The following CACUL1 variants were observed in gnomAD, a reference collection of about 807,000 sequenced individuals.
The protein encoded by CACUL1 is CDK2 associated cullin domain 1.
CACUL1 carries 13 observed loss-of-function variants against 45.2 expected under a neutral mutation model. The ratio of observed to expected loss-of-function variants is 0.29; its 90% CI spans 0.19 to 0.46. The LOEUF (loss-of-function observed/expected upper bound fraction) is 0.46, where lower values mean the gene tolerates loss of function less well. Among genes scored for constraint, CACUL1 ranks in the 20% least tolerant of loss-of-function variants. The pLI is 1.00. For synonymous variants in CACUL1, 197 were observed against 174.2 expected, an observed-to-expected ratio of 1.13 and a Z score of -1.03; for missense variants, 421 against 471.4, an observed-to-expected ratio of 0.89 and a Z score of 0.99.
At chr10:118,692,068 C>G (rs1189683744) in intron 6 of CACUL1, among the ~76,000 whole-genome samples, 1 of 151,764 alleles carries the variant, frequency 6.6e-6, no homozygotes. Flanking sequence ...TAAATATCAG[C>G]CTTATTAGCC....
intron 1 of CACUL1, 62 bp downstream of exon 1, chr10:118,754,334 G>T (rs1181574325): frequency 4.0e-5 from 57 of 1,438,792 alleles, no homozygotes; most frequent in Non-Finnish European, 2.1e-5. Flanking sequence ...CCAAGAGGGG[G>T]TGGATTCGGC....
At chr10:118,691,140 G>T in intron 7 of CACUL1, 125 bp downstream of exon 7, 1 of 779,544 alleles carries the variant, frequency 1.3e-6, no homozygotes, top group Non-Finnish European at 2.1e-6. Flanking sequence ...ATGTCTTCTT[G>T]CAGCAGCAAG....
intron 3 of CACUL1, among the ~76,000 whole-genome samples, chr10:118,712,384 C>T (rs1446355880): frequency 6.6e-6 from 1 of 152,248 alleles, no homozygotes; most frequent in African/African-American, 2.4e-5. Context: ...TCAGGGAGCT[C>T]CCAGGCTGGG....
chr10:118,682,193 C>T lies in CACUL1; in HGVS notation c.*3935G>A, dbSNP rs930160798. On this transcript the variant is annotated 3_prime_UTR_variant, in exon 9 of 9. Transcript: ENST00000369151. ...TAAAAGAGGCACCATAAAAAATCAA[C>T]TCAAAACATCCAAACAATGGCTAGA... 1 of 152,162 alleles carries T rather than the reference C, an allele frequency of 6.6e-6. No homozygotes were observed. Among genetic ancestry groups the T allele is most frequent in the African/African-American group, 2.4e-5 (1 of 41,428 alleles). The allele number at this position is 152,162 out of a possible 1,614,324, so 9.4% of individuals were successfully genotyped here.
intron 7 of CACUL1, among the ~76,000 whole-genome samples, chr10:118,690,963 A>T (rs1205371991): frequency 1.3e-5 from 2 of 152,218 alleles, no homozygotes; most frequent in African/African-American, 4.8e-5. Flanking sequence ...AGGCAGGAGA[A>T]CTGCTTGAAC....
At chr10:118,693,592 C>T (rs1589602732) in intron 6 of CACUL1, 3 of 357,646 alleles carry the variant, frequency 8.4e-6, no homozygotes, top group South Asian at 2.1e-5. Context: ...AATTTTGTTA[C>T]GTATGATAAA....
In CACUL1 at chr10:118,682,858, C is replaced by T. The variant is rs555990766; in HGVS notation, c.*3270G>A. On this transcript the variant is annotated 3_prime_UTR_variant, in exon 9 of 9. Coordinates refer to ENST00000369151, the MANE Select transcript of CACUL1 (RefSeq NM_153810.5). ...CACAAATTAGCTTTCACTCTAGACC[C>T]CAAAGGGAGGGTAATTGCTGCAAAT... is the stretch of plus-strand genomic sequence containing the variant. The T allele has an allele frequency of 6.6e-6, 1 of 152,446 alleles. No individual in the cohort carries two copies. The highest frequency in any genetic ancestry group is 2.1e-4 in the South Asian group (1 of 4,828). 9.4% of individuals were successfully genotyped at this position (152,446 alleles called of 1,614,324 possible).
rs540469966 is a variant in CACUL1, at chr10:118,677,381, T to C, written c.*8747A>G. ...TACTGTTGGTTATCTGAATTGGCTT[T>C]ACACTGAATATACATTAACTCAGAG... On this transcript the variant is annotated 3_prime_UTR_variant, in exon 9 of 9. Coordinates refer to ENST00000369151, the MANE Select transcript of CACUL1 (RefSeq NM_153810.5). The C allele has an allele frequency of 1.3e-5, 2 of 152,326 alleles. No homozygotes were observed. Among genetic ancestry groups the C allele is most frequent in the East Asian group, 3.9e-4 (2 of 5,192 alleles). 9.4% of individuals were successfully genotyped at this position (152,326 alleles called of 1,614,324 possible).
At chr10:118,744,398 A>G (rs911305639) in intron 1 of CACUL1, among the ~76,000 whole-genome samples, 2 of 140,710 alleles carry the variant, frequency 1.4e-5, no homozygotes, top group Non-Finnish European at 3.3e-5. Flanking sequence ...AAACAAAAAC[A>G]AAAACAAACA....
intron 3 of CACUL1, among the ~76,000 whole-genome samples, chr10:118,726,781 G>A (rs190703715): frequency 6.6e-6 from 1 of 152,202 alleles, no homozygotes; most frequent in Admixed American, 6.5e-5. Context: ...GAAGCAACGA[G>A]ATAGTCTAGT....
rs557431290 is a variant in CACUL1 at position 118,678,429 on chromosome 10, A to T, written c.*7699T>A. 2 of 152,272 alleles carry T rather than the reference A, an allele frequency of 1.3e-5. No homozygotes were observed. The highest frequency in any genetic ancestry group is 4.8e-5 in the African/African-American group (2 of 41,544). 9.4% of individuals were successfully genotyped at this position (152,272 alleles called of 1,614,324 possible). ...TCTTGTAGTGCTAGTTCCCCTCACA[A>T]TCCATTCAGAAAGGTCTTGGATATC... On this transcript the variant is annotated 3_prime_UTR_variant, in exon 9 of 9. Coordinates refer to ENST00000369151, the MANE Select transcript of CACUL1 (RefSeq NM_153810.5).
At chr10:118,705,890 C>T (rs949768064) in intron 4 of CACUL1, among the ~76,000 whole-genome samples, 2 of 152,176 alleles carry the variant, frequency 1.3e-5, no homozygotes, top group Non-Finnish European at 2.9e-5. Context: ...AAACAATTTA[C>T]ATAACAAATT....
In CACUL1 at chr10:118,678,374, A is replaced by C. The variant is rs1845117391; in HGVS notation, c.*7754T>G. The C allele has an allele frequency of 6.6e-6, 1 of 152,210 alleles. No homozygotes were observed. The highest frequency in any genetic ancestry group is 2.4e-5 in the African/African-American group (1 of 41,460). 9.4% of individuals were successfully genotyped at this position (152,210 alleles called of 1,614,324 possible). A position where few individuals can be genotyped will look rare whatever the true frequency, so the allele number is the denominator to read the frequency against. ...TTCCCTACTCCAAAGTCATTGTTTTAATCACTACCTTTGGCAGTAAGTGTT... is the reference window on the plus strand; with the variant it reads ...TTCCCTACTCCAAAGTCATTGTTTTCATCACTACCTTTGGCAGTAAGTGTT... On this transcript the variant is annotated 3_prime_UTR_variant, in exon 9 of 9. Coordinates refer to ENST00000369151, the MANE Select transcript of CACUL1 (RefSeq NM_153810.5).
chr10:118,691,655 CAGG>C (rs1474109803), intron 6 of CACUL1: 1 of 334,596 alleles, frequency 3.0e-6, no homozygotes, highest in African/African-American at 2.2e-5. Flanking sequence ...ATCACGAGGT[CAGG>C]AGATCGAGAC....
chr10:118,726,721 A>C (rs1008049697), intron 3 of CACUL1, among the ~76,000 whole-genome samples: 15 of 152,244 alleles, frequency 9.9e-5, no homozygotes, highest in Admixed American at 3.3e-4. Flanking sequence ...CAGATATTTT[A>C]GTAAATCTAC....
chr10:118,719,113 T>C (rs1845575471), intron 3 of CACUL1, among the ~76,000 whole-genome samples: 1 of 152,182 alleles, frequency 6.6e-6, no homozygotes, highest in Non-Finnish European at 1.5e-5. Flanking sequence ...AAAAGGCAGA[T>C]AACATGCACA....
intron 5 of CACUL1, 40 bp from the exon 6 acceptor site, chr10:118,695,270 T>C (rs1389055309): frequency 2.7e-6 from 3 of 1,107,060 alleles, no homozygotes; most frequent in Admixed American, 1.7e-5. Flanking sequence ...GTAACACATA[T>C]TGACTGTCAA....
intron 5 of CACUL1, 119 bp downstream of exon 5, chr10:118,701,187 A>G (rs1436474439): frequency 1.9e-6 from 1 of 517,534 alleles, no homozygotes; most frequent in African/African-American, 1.9e-5. Flanking sequence ...ACTTCCTGCT[A>G]TCTGGTTCAG....
chr10:118,747,553 G>C (rs372926262), intron 1 of CACUL1, among the ~76,000 whole-genome samples: 2 of 84,394 alleles, frequency 2.4e-5, no homozygotes, highest in South Asian at 7.3e-4. Flanking sequence ...AAAAAAAAAA[G>C]ACTACTTTGG....
Sources: gnomAD v4.1 joint callset for allele counts (sites outside exome capture counted in the v4.1 genomes callset) on GRCh38, gnomAD v4.1.1 for gene constraint, MANE v1.5 for transcripts, NCBI Gene and HGNC (gene_info 2026-07-23, HGNC 2026-07-21) for gene names.